The following SH3RF3 variants were observed in gnomAD, a reference collection of about 807,000 sequenced individuals.
SH3RF3 encodes SH3 domain containing ring finger 3, also known as E3 ubiquitin-protein ligase SH3RF3.
SH3RF3 carries 29 observed loss-of-function variants against 66.3 expected under a neutral mutation model. The ratio of observed to expected loss-of-function variants is 0.44; its 90% CI spans 0.33 to 0.60. The LOEUF (loss-of-function observed/expected upper bound fraction) is 0.60. Among genes scored for constraint, SH3RF3 ranks in the 20% least tolerant of loss-of-function variants. The pLI is 0.04. For synonymous variants in SH3RF3, 583 were observed against 532.0 expected, an observed-to-expected ratio of 1.10 and a Z score of -1.32; for missense variants, 1,194 against 1,190.9, an observed-to-expected ratio of 1.00 and a Z score of -0.04.
intron 1 of SH3RF3, among the ~76,000 whole-genome samples, chr2:109,172,223 T>C (rs893576378): frequency 1.3e-5 from 2 of 152,230 alleles, no homozygotes; most frequent in Non-Finnish European, 2.9e-5. Context: ...GCCAGGCCTC[T>C]GAGCACAGCG....
At position 109,404,673 on chromosome 2, in the gene SH3RF3, G is replaced by A. The variant is rs546789736; in HGVS notation, c.1299+5730G>A. ...AAGCAGAGCTGACCCCTCTCCCACCGGGTGCCCCCTCCCAGCACCTTTGCG... is the reference window on the plus strand; with the variant it reads ...AAGCAGAGCTGACCCCTCTCCCACCAGGTGCCCCCTCCCAGCACCTTTGCG... On this transcript the variant is annotated intron_variant, in intron 4 of 9. Coordinates refer to ENST00000309415, the MANE Select transcript of SH3RF3 (RefSeq NM_001099289.3). 5.3e-5 allele frequency among the ~76,000 whole-genome samples: 8 copies of A among 152,220 alleles called. No individual in the cohort carries two copies. In the South Asian group the frequency reaches 1.0e-3, roughly 20 times the overall value.
chr2:109,142,162 G>A (rs1342352591), intron 1 of SH3RF3, among the ~76,000 whole-genome samples: 1 of 151,952 alleles, frequency 6.6e-6, no homozygotes, highest in Non-Finnish European at 1.5e-5. Context: ...AGCAGCAAGG[G>A]AATGCTTCCC....
intron 2 of SH3RF3, among the ~76,000 whole-genome samples, chr2:109,369,108 G>T (rs1683209089): frequency 6.6e-6 from 1 of 152,090 alleles, no homozygotes; most frequent in Admixed American, 6.5e-5. Flanking sequence ...ACTTTGGGAG[G>T]CCGAGGTGGG....
At chr2:109,208,434 C>T (rs1240206268) in intron 1 of SH3RF3, among the ~76,000 whole-genome samples, 2 of 152,128 alleles carry the variant, frequency 1.3e-5, no homozygotes, top group African/African-American at 4.8e-5. Flanking sequence ...GTCTAGGAGC[C>T]CAGCCATCAT....
intron 5 of SH3RF3, among the ~76,000 whole-genome samples, chr2:109,425,775 A>G (rs918558244): frequency 3.3e-5 from 5 of 152,270 alleles, no homozygotes; most frequent in African/African-American, 1.2e-4. Flanking sequence ...ATGGAGATGT[A>G]CAAGGAGATG....
chr2:109,301,733 T>C (rs1681473930), intron 1 of SH3RF3, among the ~76,000 whole-genome samples: 1 of 152,220 alleles, frequency 6.6e-6, no homozygotes, highest in African/African-American at 2.4e-5. Context: ...TTGATTCCCA[T>C]GTATTTGCTA....
At chr2:109,383,370 C>G (rs1234631060) in intron 3 of SH3RF3, among the ~76,000 whole-genome samples, 1 of 152,202 alleles carries the variant, frequency 6.6e-6, no homozygotes, top group East Asian at 1.9e-4. Context: ...GCAGGGAGAT[C>G]TATCCTACAG....
At chr2:109,295,410 A>C (rs1213897634) in intron 1 of SH3RF3, among the ~76,000 whole-genome samples, 1 of 152,248 alleles carries the variant, frequency 6.6e-6, no homozygotes, top group Admixed American at 6.5e-5. Context: ...TGAAGTCTTC[A>C]GTGTCTAAAG....
chr2:109,457,015 C>T (rs1355080893), intron 8 of SH3RF3, among the ~76,000 whole-genome samples: 2 of 152,138 alleles, frequency 1.3e-5, no homozygotes, highest in Admixed American at 6.5e-5. Context: ...GACCTGGGGT[C>T]GGCTGCCTAG....
chr2:109,206,839 A>G (rs917068435), intron 1 of SH3RF3, among the ~76,000 whole-genome samples: 1 of 152,144 alleles, frequency 6.6e-6, no homozygotes, highest in Non-Finnish European at 1.5e-5. Context: ...GGCATTTGCT[A>G]TTTCTGCACT....
At chr2:109,462,825 T>C (rs1340888458) in intron 8 of SH3RF3, among the ~76,000 whole-genome samples, 1 of 152,162 alleles carries the variant, frequency 6.6e-6, no homozygotes, top group Admixed American at 6.5e-5. Context: ...GAGATAAAAC[T>C]CCACTGATCA....
chr2:109,286,571 T>G (rs773994146), intron 1 of SH3RF3, among the ~76,000 whole-genome samples: 52 of 152,214 alleles, frequency 3.4e-4, no homozygotes, highest in Admixed American at 7.2e-4. Context: ...GGGCCTGGAC[T>G]TTCAGCTAAG....
chr2:109,458,099 C>T (rs994809881), intron 8 of SH3RF3, among the ~76,000 whole-genome samples: 2 of 152,190 alleles, frequency 1.3e-5, no homozygotes, highest in Non-Finnish European at 2.9e-5. Flanking sequence ...GGGAATAAGA[C>T]GGCTTCATAC....
In SH3RF3 at chr2:109,241,269, CAGA is replaced by C. The variant is rs534460831; in HGVS notation, c.574-106403_574-106401del. On this transcript the variant is annotated intron_variant, in intron 1 of 9. Coordinates refer to ENST00000309415, the MANE Select transcript of SH3RF3 (RefSeq NM_001099289.3). ...CAGCCTAAGAATATAACAACAACAA[CAGA>C]AAAGACAAATTCATTTGTAGTAATG... 5.5e-4 allele frequency among the ~76,000 whole-genome samples: 83 copies of C among 151,814 alleles called. 2 individuals are homozygous for C. The South Asian group carries it at 0.013, about 24-fold the overall frequency.
chr2:109,458,603 T>C (rs1258975233), intron 8 of SH3RF3, among the ~76,000 whole-genome samples: 1 of 41,590 alleles, frequency 2.4e-5, no homozygotes, highest in Non-Finnish European at 6.6e-5. Context: ...AGAGAGAGAA[T>C]TTATTTATTT....
Position 109,381,984 on chromosome 2 carries a change from A to G in SH3RF3, c.945+10303A>G, listed in dbSNP as rs185076392. Among the ~76,000 whole-genome samples, 326 of 152,258 alleles carry G rather than the reference A, an allele frequency of 2.1e-3. 1 individual carries two copies. The highest frequency in any genetic ancestry group is 4.5e-3 in the Admixed American group (69 of 15,302). On this transcript the variant is annotated intron_variant, in intron 3 of 9. Coordinates refer to ENST00000309415, the MANE Select transcript of SH3RF3 (RefSeq NM_001099289.3). ...GAGGTGGAATTTGGCTCTTTCCATC[A>G]ACAGGTGAACTATAGGACACAAAGA...
intron 1 of SH3RF3, among the ~76,000 whole-genome samples, chr2:109,225,665 G>A (rs1398169384): frequency 6.6e-6 from 1 of 152,226 alleles, no homozygotes; most frequent in Non-Finnish European, 1.5e-5. Flanking sequence ...TGACCGTCTT[G>A]TTTCCTGTAA....
chr2:109,302,282 G>A (rs1468821485), intron 1 of SH3RF3, among the ~76,000 whole-genome samples: 6 of 149,736 alleles, frequency 4.0e-5, no homozygotes, highest in African/African-American at 1.2e-4. Context: ...GCATTTTTTT[G>A]TGACTGTAAT....
At chr2:109,303,587 G>T (rs1274526285) in intron 1 of SH3RF3, among the ~76,000 whole-genome samples, 1 of 152,228 alleles carries the variant, frequency 6.6e-6, no homozygotes. Context: ...CCCAAGGGAC[G>T]GGAGAGGGCC....
Sources: gnomAD v4.1 joint callset for allele counts (sites outside exome capture counted in the v4.1 genomes callset) on GRCh38, gnomAD v4.1.1 for gene constraint, MANE v1.5 for transcripts, NCBI Gene and HGNC (gene_info 2026-07-23, HGNC 2026-07-21) for gene names.